The following HOPX variants were observed in gnomAD, a reference collection of about 807,000 sequenced individuals.
HOPX encodes the protein homeodomain-only protein.
HOPX carries 5 observed loss-of-function variants against 11.8 expected under a neutral mutation model. The observed-to-expected ratio is 0.43, with a 90% CI of 0.22 to 0.89. The LOEUF (loss-of-function observed/expected upper bound fraction) is 0.89, where lower values mean the gene tolerates loss of function less well. Among genes scored for constraint, HOPX ranks in the 40% least tolerant of loss-of-function variants. The pLI, the probability that HOPX is intolerant of heterozygous loss-of-function variation, is 0.28. For missense variants in HOPX, 119 were observed against 120.0 expected, an observed-to-expected ratio of 0.99 and a Z score of 0.04; for synonymous variants, 49 against 49.7, an observed-to-expected ratio of 0.99 and a Z score of 0.06.
chr4:56,665,831 GT>G (rs1718403570), intron 1 of HOPX: 1 of 151,996 alleles, frequency 6.6e-6, no homozygotes, highest in South Asian at 2.1e-4. Context: ...CACAAATCTA[GT>G]ATGTGACAGA....
At position 56,650,751 on chromosome 4, in the gene HOPX, C is replaced by G. The variant is rs541584844; in HGVS notation, c.199-1954G>C. The G allele has an allele frequency of 1.2e-5, 18 of 1,551,402 alleles. No homozygotes were observed. The South Asian group carries it at 1.7e-4, about 14-fold the overall frequency. ...GCACGGCAGACTATCATGGGGGTAG[C>G]CTTCTCTTTGGGGGCTACTTTCTGG... On this transcript the variant is annotated intron_variant, in intron 3 of 3. Coordinates refer to ENST00000420433, the MANE Select transcript of HOPX (RefSeq NM_032495.6).
chr4:56,666,910 A>G (rs113731286), intron 1 of HOPX, among the ~76,000 whole-genome samples: 240 of 152,350 alleles, frequency 1.6e-3, no homozygotes, highest in African/African-American at 5.7e-3. Context: ...TATATCTGTA[A>G]TGGAAAAAAG....
intron 1 of HOPX, chr4:56,663,942 A>G (rs1186172881): frequency 6.6e-6 from 1 of 152,202 alleles, no homozygotes; most frequent in Admixed American, 6.5e-5. Context: ...TTAATGTAGA[A>G]AAAAGTTCAA....
chr4:56,658,913 G>T (rs530783305), intron 1 of HOPX, among the ~76,000 whole-genome samples: 1 of 152,320 alleles, frequency 6.6e-6, no homozygotes, highest in Admixed American at 6.5e-5. Flanking sequence ...CATGCAATCT[G>T]CTGGCTTTTT....
intron 1 of HOPX, among the ~76,000 whole-genome samples, chr4:56,671,139 C>T (rs1718715968): frequency 6.6e-6 from 1 of 151,986 alleles, no homozygotes; most frequent in Non-Finnish European, 1.5e-5. Flanking sequence ...AAGAGCTGTT[C>T]ATTTGTAATT....
intron 1 of HOPX, among the ~76,000 whole-genome samples, chr4:56,662,186 G>T (rs1718172220): frequency 6.6e-6 from 1 of 152,226 alleles, no homozygotes; most frequent in Non-Finnish European, 1.5e-5. Flanking sequence ...TTTAAAATAG[G>T]ATATCCATGT....
chr4:56,652,688 G>A (rs573924199), intron 3 of HOPX, among the ~76,000 whole-genome samples: 3 of 152,100 alleles, frequency 2.0e-5, no homozygotes, highest in Non-Finnish European at 2.9e-5. Flanking sequence ...AGATGTGGTA[G>A]TATATGCCTA....
intron 3 of HOPX, among the ~76,000 whole-genome samples, chr4:56,655,550 C>A (rs1717609449): frequency 6.6e-6 from 1 of 151,906 alleles, no homozygotes; most frequent in African/African-American, 2.4e-5. Flanking sequence ...AGGGAGAAAG[C>A]GTGTATCCCG....
At chr4:56,653,896 C>T (rs1298760775) in intron 3 of HOPX, among the ~76,000 whole-genome samples, 4 of 152,188 alleles carry the variant, frequency 2.6e-5, no homozygotes, top group Non-Finnish European at 4.4e-5. Flanking sequence ...CTTCTTCCTA[C>T]CCCTAACCGG....
chr4:56,656,021 C>T lies in HOPX; in HGVS notation c.43-9G>A, dbSNP rs768193828. The T allele has an allele frequency of 1.9e-6, 3 of 1,564,820 alleles. No individual in the cohort carries two copies. The highest frequency in any genetic ancestry group is 2.6e-6 in the Non-Finnish European group (3 of 1,155,504). ...GACATGGTCCCTGCGCGCTGCGGGG[C>T]AGGGAGAAGCGGCGGCGGTGAGCGA... On this transcript the variant is annotated splice_polypyrimidine_tract_variant and intron_variant, in intron 2 of 3. Transcript: ENST00000420433.
intron 1 of HOPX, among the ~76,000 whole-genome samples, chr4:56,673,318 G>A (rs1718836275): frequency 3.3e-5 from 5 of 152,112 alleles, no homozygotes; most frequent in Admixed American, 3.3e-4. Flanking sequence ...GAAATGGAAT[G>A]AGATATAAAA....
At chr4:56,655,753 G>T (rs958918455) in intron 3 of HOPX, 104 bp downstream of exon 3, 1 of 1,315,538 alleles carries the variant, frequency 7.6e-7, no homozygotes, top group East Asian at 2.6e-5. Flanking sequence ...GAGATCATGG[G>T]GAGGGCAGCC....
At chr4:56,668,444 C>T (rs1054754241) in intron 1 of HOPX, among the ~76,000 whole-genome samples, 9 of 152,242 alleles carry the variant, frequency 5.9e-5, no homozygotes, top group Non-Finnish European at 2.9e-5. Flanking sequence ...CCTTTCATTT[C>T]CCTACCCAAC....
chr4:56,667,875 G>T (rs531603944), intron 1 of HOPX, among the ~76,000 whole-genome samples: 1 of 152,268 alleles, frequency 6.6e-6, no homozygotes, highest in South Asian at 2.1e-4. Context: ...AAAGGGACCC[G>T]ATATCCAGGT....
chr4:56,656,226 C>T, intron 2 of HOPX: 1 of 1,143,918 alleles, frequency 8.7e-7, no homozygotes, highest in Non-Finnish European at 1.1e-6. Context: ...AGCGCTGTTG[C>T]GGGCTGACGG....
At chr4:56,651,869 A>T (rs57536145) in intron 3 of HOPX, among the ~76,000 whole-genome samples, 40,418 of 121,570 alleles carry the variant, frequency 0.33, 5,874 homozygotes, top group African/African-American at 0.42. Flanking sequence ...AGAGAGAGAG[A>T]GAGAGTGTGT....
intron 3 of HOPX, among the ~76,000 whole-genome samples, chr4:56,653,044 T>C (rs1034285368): frequency 2.6e-5 from 4 of 152,108 alleles, no homozygotes; most frequent in Non-Finnish European, 5.9e-5. Context: ...TTTATTTACT[T>C]ACTTATTTTG....
chr4:56,665,771 T>A (rs1323595527), intron 1 of HOPX: 1 of 152,182 alleles, frequency 6.6e-6, no homozygotes, highest in African/African-American at 2.4e-5. Flanking sequence ...CTTATATAGA[T>A]GGAAACTTAT....
chr4:56,653,588 G>A (rs1487025256), intron 3 of HOPX, among the ~76,000 whole-genome samples: 2 of 152,108 alleles, frequency 1.3e-5, no homozygotes, highest in African/African-American at 4.8e-5. Context: ...TCTAAGCTCT[G>A]GGGTTCCAGA....
Sources: gnomAD v4.1 joint callset for allele counts (sites outside exome capture counted in the v4.1 genomes callset) on GRCh38, gnomAD v4.1.1 for gene constraint, MANE v1.5 for transcripts, NCBI Gene and HGNC (gene_info 2026-07-23, HGNC 2026-07-21) for gene names.